Variants in EGFLAM observed in about 807,000 individuals in gnomAD.
The protein encoded by EGFLAM is EGF like, fibronectin type III and laminin G domains, also known as pikachurin.
A neutral mutation model predicts 113.1 loss-of-function variants in EGFLAM; 79 were observed. The ratio of observed to expected loss-of-function variants is 0.70; its 90% CI spans 0.58 to 0.84. EGFLAM has a LOEUF of 0.84. EGFLAM is among the 40% of genes least tolerant of loss of function. EGFLAM has a pLI of 0.00. For synonymous variants in EGFLAM, 504 were observed against 487.6 expected (o/e 1.03, Z -0.44); for missense variants, 1,265 against 1,291.6 (o/e 0.98, Z 0.32).
intron 10 of EGFLAM, among the ~76,000 whole-genome samples, chr5:38,411,231 C>A (rs931427576): frequency 3.9e-5 from 6 of 152,004 alleles, no homozygotes; most frequent in Admixed American, 6.6e-5. Context: ...AGATCGAGAC[C>A]ATCCTGGCCA....
chr5:38,269,036 T>C (rs1331652921), intron 1 of EGFLAM, among the ~76,000 whole-genome samples: 1 of 152,020 alleles, frequency 6.6e-6, no homozygotes, highest in African/African-American at 2.4e-5. Context: ...AATTAGCCAG[T>C]TGTGGTGATG....
chr5:38,428,677 C>G (rs1742092477), intron 14 of EGFLAM, among the ~76,000 whole-genome samples: 1 of 152,320 alleles, frequency 6.6e-6, no homozygotes, highest in African/African-American at 2.4e-5. Context: ...GACAGACTAC[C>G]CCCTCCACAC....
chr5:38,446,948 T>C (rs1170900539), intron 17 of EGFLAM, among the ~76,000 whole-genome samples: 2 of 152,212 alleles, frequency 1.3e-5, no homozygotes, highest in African/African-American at 4.8e-5. Flanking sequence ...CAGTGTCTTC[T>C]TTGCACCAAC....
intron 1 of EGFLAM, among the ~76,000 whole-genome samples, chr5:38,331,739 C>T (rs1195646327): frequency 6.6e-6 from 1 of 152,116 alleles, no homozygotes; most frequent in Non-Finnish European, 1.5e-5. Context: ...GGAAAAGCTT[C>T]CTTTTCGTGG....
intron 1 of EGFLAM, among the ~76,000 whole-genome samples, chr5:38,320,668 G>A (rs1430201126): frequency 6.6e-6 from 1 of 152,048 alleles, no homozygotes; most frequent in Non-Finnish European, 1.5e-5. Context: ...GGTGGGTGGA[G>A]ATGCATAGCT....
At chr5:38,354,581 T>C (rs1239324753) in intron 5 of EGFLAM, among the ~76,000 whole-genome samples, 1 of 151,974 alleles carries the variant, frequency 6.6e-6, no homozygotes, top group Non-Finnish European at 1.5e-5. Flanking sequence ...ATATAAAAAA[T>C]TAGCTGGGCA....
intron 1 of EGFLAM, among the ~76,000 whole-genome samples, chr5:38,314,864 G>T (rs1029576789): frequency 2.6e-5 from 4 of 152,222 alleles, no homozygotes; most frequent in African/African-American, 7.2e-5. Context: ...CCATGCTCCA[G>T]ATAGAGGCTA....
chr5:38,448,511 G>A (rs563966410), intron 18 of EGFLAM, 132 bp downstream of exon 18: 17 of 834,526 alleles, frequency 2.0e-5, no homozygotes, highest in South Asian at 5.0e-5. Flanking sequence ...TGGCCTCAGG[G>A]GAAAAACACA....
chr5:38,402,872 G>A (rs946694302), intron 6 of EGFLAM, among the ~76,000 whole-genome samples: 4 of 152,162 alleles, frequency 2.6e-5, no homozygotes, highest in Admixed American at 2.0e-4. Flanking sequence ...GCAGTGGAGA[G>A]TCACTGAAGG....
At chr5:38,402,373 T>C (rs1038040249) in intron 6 of EGFLAM, among the ~76,000 whole-genome samples, 1 of 152,232 alleles carries the variant, frequency 6.6e-6, no homozygotes, top group South Asian at 2.1e-4. Flanking sequence ...TGTGTCTATA[T>C]CTCCACTTGG....
chr5:38,448,092 A>G (rs1742777778), intron 17 of EGFLAM, among the ~76,000 whole-genome samples: 1 of 152,158 alleles, frequency 6.6e-6, no homozygotes, highest in South Asian at 2.1e-4. Context: ...ATACTTCCCC[A>G]GGAGGGAAAA....
chr5:38,270,784 A>G (rs1757745876), intron 1 of EGFLAM, among the ~76,000 whole-genome samples: 1 of 152,228 alleles, frequency 6.6e-6, no homozygotes, highest in African/African-American at 2.4e-5. Flanking sequence ...CGGAAGATAT[A>G]CCTGCAAAAG....
chr5:38,317,996 C>T (rs1738644706), intron 1 of EGFLAM, among the ~76,000 whole-genome samples: 2 of 152,168 alleles, frequency 1.3e-5, no homozygotes, highest in African/African-American at 2.4e-5. Context: ...AAGGTGTTCT[C>T]ACCCATGAGT....
intron 6 of EGFLAM, among the ~76,000 whole-genome samples, chr5:38,405,080 C>T (rs896441913): frequency 6.6e-6 from 1 of 152,044 alleles, no homozygotes; most frequent in Non-Finnish European, 1.5e-5. Flanking sequence ...CCCAAGATAC[C>T]TTATAGGGCC....
chr5:38,443,465 T>C (rs960729811), intron 17 of EGFLAM, among the ~76,000 whole-genome samples: 7 of 152,178 alleles, frequency 4.6e-5, no homozygotes, highest in Non-Finnish European at 7.4e-5. Flanking sequence ...TGTTGCTCTT[T>C]AGATAGTTGA....
chr5:38,446,435 C>G (rs1270822427), intron 17 of EGFLAM, among the ~76,000 whole-genome samples: 3 of 152,040 alleles, frequency 2.0e-5, no homozygotes. Context: ...TCATTCATGC[C>G]ACCCGTTTTC....
intron 17 of EGFLAM, among the ~76,000 whole-genome samples, chr5:38,441,155 C>T (rs1742519659): frequency 6.6e-6 from 1 of 152,188 alleles, no homozygotes. Flanking sequence ...CTTGGGATGC[C>T]ACAGGCTTCC....
chr5:38,310,889 G>A (rs1314828672), intron 1 of EGFLAM, among the ~76,000 whole-genome samples: 1 of 152,072 alleles, frequency 6.6e-6, no homozygotes, highest in African/African-American at 2.4e-5. Context: ...TCATCTGAGG[G>A]TGACACTTTG....
At chr5:38,426,909 G>A (rs534940238) in intron 13 of EGFLAM, 100 bp from the exon 14 acceptor site, 35 of 1,518,790 alleles carry the variant, frequency 2.3e-5, no homozygotes, top group Non-Finnish European at 3.1e-5. Flanking sequence ...GGGAATTGTA[G>A]TTTAGGTCTG....
Sources: allele counts gnomAD v4.1 joint callset (sites outside exome capture counted in the v4.1 genomes callset), GRCh38; gene constraint gnomAD v4.1.1; transcripts MANE v1.5; gene names NCBI Gene and HGNC (gene_info 2026-07-23, HGNC 2026-07-21).